PSMB2: variants seen among roughly 807,000 people sequenced by gnomAD.
The protein encoded by PSMB2 is proteasome subunit beta type-2.
In PSMB2, 13 loss-of-function variants were observed where a neutral mutation model predicts 25.7. That is an observed-to-expected ratio of 0.51 (90% confidence interval 0.33 to 0.80). The LOEUF is 0.80. PSMB2 is among the 30% of genes least tolerant of loss of function. The pLI is 0.02. For missense variants in PSMB2, 202 were observed against 259.0 expected, an observed-to-expected ratio of 0.78 and a Z score of 1.51; for synonymous variants, 87 against 96.2, an observed-to-expected ratio of 0.90 and a Z score of 0.56.
chr1:35,635,556 C>T (rs1027726124), intron 2 of PSMB2, among the ~76,000 whole-genome samples: 5 of 151,920 alleles, frequency 3.3e-5, no homozygotes, highest in East Asian at 1.9e-4. Flanking sequence ...ATGGGCTGGG[C>T]GTGGTGGCTC....
In PSMB2 at chr1:35,609,293, T is replaced by C. The variant is rs144146425; in HGVS notation, c.401A>G (p.Tyr134Cys). The C allele has an allele frequency of 9.3e-6, 15 of 1,613,042 alleles. No individual in the cohort carries two copies. The highest frequency in any genetic ancestry group is 2.2e-5 in the South Asian group (2 of 90,906). Residue 134 changes from tyrosine to cysteine, a missense_variant, in exon 4 of 6, where the codon TAT becomes TGT. By Grantham distance (194) the Tyr-to-Cys change is radical. Coordinates refer to ENST00000373237, the MANE Select transcript of PSMB2 (RefSeq NM_002794.5). ...GATACTGAGAGTCAGGAAGGCACCA[T>C]AGCCGTGGGCTGCAAAAGGGGCCTT... Reference protein sequence around the residue: ...LAKAPFAAHGYGAFLTLSILD... With the variant: ...LAKAPFAAHGCGAFLTLSILD...
intron 3 of PSMB2, among the ~76,000 whole-genome samples, 158 bp from the exon 4 acceptor site, chr1:35,609,566 C>T (rs535785091): frequency 1.3e-5 from 2 of 152,220 alleles, no homozygotes; most frequent in East Asian, 1.9e-4. Flanking sequence ...ATCTAGAGGA[C>T]CTGGAGTATG....
chr1:35,604,349 A>G (rs561790369), intron 5 of PSMB2, among the ~76,000 whole-genome samples: 2 of 152,220 alleles, frequency 1.3e-5, no homozygotes, highest in African/African-American at 4.8e-5. Context: ...CTTCTGCCCA[A>G]AGCTTCCTAG....
chr1:35,614,331 A>G (rs1452736220), intron 3 of PSMB2, among the ~76,000 whole-genome samples: 4 of 152,230 alleles, frequency 2.6e-5, no homozygotes, highest in African/African-American at 9.6e-5. Context: ...TATCTGGGGA[A>G]ATGAAAACAT....
intron 3 of PSMB2, among the ~76,000 whole-genome samples, chr1:35,628,596 A>AAAAAAAAATAT (rs59538661): frequency 4.0e-5 from 1 of 25,094 alleles, no homozygotes; most frequent in Non-Finnish European, 7.6e-5. Context: ...AAAAAAAAAA[A>AAAAAAAAATAT]ATATATATAT....
At position 35,599,862 on chromosome 1, in the gene PSMB2, G is replaced by A. The variant is rs974753313; in HGVS notation, c.*3405C>T. 7.1e-6 allele frequency: 7 copies of A among 982,742 alleles called. No homozygotes were observed. Among genetic ancestry groups the A allele is most frequent in the African/African-American group, 3.5e-5 (2 of 57,172 alleles). 60.9% of individuals were successfully genotyped at this position (982,742 alleles called of 1,614,324 possible). A position where few individuals can be genotyped will look rare whatever the true frequency, so the allele number is the denominator to read the frequency against. ...ATTTATAAAGATTAGGCTGGGTGCA[G>A]TGGCTCACATCTGTAATCCCAGTGC... is the stretch of plus-strand genomic sequence containing the variant. On this transcript the variant is annotated 3_prime_UTR_variant, in exon 6 of 6. Transcript: ENST00000373237.
At chr1:35,628,595 AAATATATATATATATATATATATAT>A (rs1650966003) in intron 3 of PSMB2, among the ~76,000 whole-genome samples, 3 of 12,062 alleles carry the variant, frequency 2.5e-4, no homozygotes, top group African/African-American at 4.9e-4. Context: ...AAAAAAAAAA[AAATATATATATATATATATATATAT>A]ATATATATAT....
chr1:35,637,067 C>A (rs1048086369), intron 1 of PSMB2, among the ~76,000 whole-genome samples: 2 of 152,180 alleles, frequency 1.3e-5, no homozygotes, highest in African/African-American at 4.8e-5. Flanking sequence ...AGGAACAGAA[C>A]GACAGAAGAA....
rs1053053622 is a variant in PSMB2, at chr1:35,641,279, A to G, written c.91+63T>C. 5.6e-6 allele frequency: 9 copies of G among 1,598,990 alleles called. No individual in the cohort carries two copies. The African/African-American group carries it at 1.2e-4, about 21-fold the overall frequency. ...CTCCCTGGTACTTATTCAACCCCCG[A>G]CAAACTCCTTCTGGCCGCTCCTACA... On this transcript the variant is annotated intron_variant, in intron 1 of 5. Transcript: ENST00000373237.
chr1:35,632,441 C>T (rs1651132282), intron 2 of PSMB2, among the ~76,000 whole-genome samples: 1 of 152,212 alleles, frequency 6.6e-6, no homozygotes, highest in Non-Finnish European at 1.5e-5. Context: ...TTGCTTACAA[C>T]ATTTCAAATA....
intron 5 of PSMB2, 58 bp downstream of exon 5, chr1:35,605,172 GAAC>G (rs759207668): frequency 3.4e-5 from 51 of 1,508,240 alleles, no homozygotes; most frequent in African/African-American, 5.6e-5. Context: ...TGAGGAACAG[GAAC>G]AACACTGGCA....
At chr1:35,612,096 G>A (rs1024654535) in intron 3 of PSMB2, among the ~76,000 whole-genome samples, 2 of 152,206 alleles carry the variant, frequency 1.3e-5, no homozygotes, top group African/African-American at 4.8e-5. Context: ...TTTAGTGATA[G>A]GACAGTGGGT....
At position 35,602,822 on chromosome 1, in the gene PSMB2, T is replaced by C; in HGVS notation, c.*445A>G. On this transcript the variant is annotated 3_prime_UTR_variant, in exon 6 of 6. Transcript: ENST00000373237. ...TGGAAGAAATATTTTTCACTACATG[T>C]TTTTGTACTGTTTGCATGTTACATT... The C allele has an allele frequency of 1.2e-6, 1 of 803,386 alleles. No homozygotes were observed. The highest frequency in any genetic ancestry group is 1.5e-6 in the Non-Finnish European group (1 of 662,716). The allele number at this position is 803,386 out of a possible 1,614,324, so 49.8% of individuals were successfully genotyped here. A position where few individuals can be genotyped will look rare whatever the true frequency, so the allele number is the denominator to read the frequency against.
chr1:35,602,004 T>C lies in PSMB2; in HGVS notation c.*1263A>G. On this transcript the variant is annotated 3_prime_UTR_variant, in exon 6 of 6. Transcript: ENST00000373237. ...TATTGATATAAAACAATCTCTAATA[T>C]AGTGTTAAGTGAAATAAGCAATATG... 8.6e-6 allele frequency: 7 copies of C among 813,048 alleles called. No homozygotes were observed. The South Asian group carries it at 1.7e-4, about 20-fold the overall frequency. 50.4% of individuals were successfully genotyped at this position (813,048 alleles called of 1,614,324 possible).
At position 35,603,019 on chromosome 1, in the gene PSMB2, G is replaced by T. The variant is rs1362291876; in HGVS notation, c.*248C>A. 2.4e-6 allele frequency: 3 copies of T among 1,243,980 alleles called. No homozygotes were observed. The highest frequency in any genetic ancestry group is 3.0e-6 in the Non-Finnish European group (3 of 988,782). 77.1% of individuals were successfully genotyped at this position (1,243,980 alleles called of 1,614,324 possible). Reference sequence around the variant, plus strand: ...ACGTGGGGCCGTCAGCTGCTAAAGGGTACTGAGCGTTAATGGAGGGCGGAG... The same window carrying T: ...ACGTGGGGCCGTCAGCTGCTAAAGGTTACTGAGCGTTAATGGAGGGCGGAG... On this transcript the variant is annotated 3_prime_UTR_variant, in exon 6 of 6. Transcript: ENST00000373237.
At chr1:35,639,094 A>C (rs1467286275) in intron 1 of PSMB2, among the ~76,000 whole-genome samples, 1 of 152,108 alleles carries the variant, frequency 6.6e-6, no homozygotes, top group East Asian at 1.9e-4. Context: ...TTTCTACTAA[A>C]AATACAAAAA....
At chr1:35,629,031 C>T (rs1651004239) in intron 3 of PSMB2, among the ~76,000 whole-genome samples, 1 of 152,080 alleles carries the variant, frequency 6.6e-6, no homozygotes, top group Non-Finnish European at 1.5e-5. Flanking sequence ...CTTTGTCTGA[C>T]CTGCTGTGTG....
chr1:35,626,747 A>G (rs1471450606), intron 3 of PSMB2, among the ~76,000 whole-genome samples: 1 of 152,228 alleles, frequency 6.6e-6, no homozygotes, highest in East Asian at 1.9e-4. Flanking sequence ...TGTCATAATA[A>G]GGATACTTAA....
At chr1:35,620,369 G>C (rs1650643801) in intron 3 of PSMB2, among the ~76,000 whole-genome samples, 1 of 152,056 alleles carries the variant, frequency 6.6e-6, no homozygotes, top group Admixed American at 6.6e-5. Context: ...CCCCTCATTG[G>C]TCTCCCCGCT....
Sources: allele counts gnomAD v4.1 joint callset (sites outside exome capture counted in the v4.1 genomes callset), GRCh38; gene constraint gnomAD v4.1.1; transcripts MANE v1.5; gene names NCBI Gene and HGNC (gene_info 2026-07-23, HGNC 2026-07-21).